ARHGEF33: variants seen among roughly 807,000 people sequenced by gnomAD.
ARHGEF33 encodes the protein Rho guanine nucleotide exchange factor 33.
In ARHGEF33, 72 loss-of-function variants were observed where a neutral mutation model predicts 101.9. That is an observed-to-expected ratio of 0.71 (90% CI 0.58 to 0.86). The LOEUF (loss-of-function observed/expected upper bound fraction) is 0.86. Ranked by LOEUF, ARHGEF33 falls within the 40% of genes least tolerant of loss-of-function variation. The pLI, the probability that ARHGEF33 is intolerant of heterozygous loss-of-function variation, is 0.00. For synonymous variants in ARHGEF33, 499 were observed against 442.5 expected (o/e 1.13, Z -1.60); for missense variants, 1,169 against 1,111.3 (o/e 1.05, Z -0.74).
chr2:38,906,273 G>T, intron 2 of ARHGEF33, among the ~76,000 whole-genome samples: 1 of 151,860 alleles, frequency 6.6e-6, no homozygotes, highest in East Asian at 1.9e-4. Context: ...ATGTAATTCA[G>T]TTTGGAGGTA....
intron 7 of ARHGEF33, among the ~76,000 whole-genome samples, chr2:38,932,685 A>C (rs1199872987): frequency 6.6e-6 from 1 of 152,200 alleles, no homozygotes; most frequent in Non-Finnish European, 1.5e-5. Context: ...TCATAAGATA[A>C]AAGGTTAAAA....
At chr2:38,919,557 T>C (rs1666710641) in intron 3 of ARHGEF33, 85 bp downstream of exon 3, 2 of 1,303,640 alleles carry the variant, frequency 1.5e-6, no homozygotes, top group African/African-American at 2.9e-5. Context: ...TCTCGAGACA[T>C]GACAGTATGT....
At chr2:38,966,632 C>T (rs1467095858) in intron 17 of ARHGEF33, among the ~76,000 whole-genome samples, 1 of 152,188 alleles carries the variant, frequency 6.6e-6, no homozygotes, top group East Asian at 1.9e-4. Flanking sequence ...TTAGTGCTTT[C>T]CCTGAATGAG....
At chr2:38,955,916 C>T (rs1205614141) in intron 13 of ARHGEF33, among the ~76,000 whole-genome samples, 1 of 151,914 alleles carries the variant, frequency 6.6e-6, no homozygotes. Flanking sequence ...GTGATCTGCC[C>T]GCCTCACCTC....
intron 9 of ARHGEF33, 110 bp from the exon 10 acceptor site, chr2:38,943,791 G>GTT: frequency 6.3e-6 from 6 of 944,978 alleles, no homozygotes; most frequent in East Asian, 6.1e-5. Context: ...CTTGCAGATG[G>GTT]TTTTTTTTTT....
intron 14 of ARHGEF33, among the ~76,000 whole-genome samples, chr2:38,957,670 C>T (rs566414860): frequency 6.6e-6 from 1 of 152,296 alleles, no homozygotes; most frequent in East Asian, 1.9e-4. Flanking sequence ...AGCACAGCTT[C>T]CTAATGACCT....
intron 9 of ARHGEF33, among the ~76,000 whole-genome samples, chr2:38,938,026 G>C (rs942458640): frequency 5.9e-5 from 9 of 152,102 alleles, no homozygotes; most frequent in Non-Finnish European, 7.4e-5. Flanking sequence ...TGGCTATTTG[G>C]GGGGAGGTAA....
intron 1 of ARHGEF33, among the ~76,000 whole-genome samples, chr2:38,891,822 G>T (rs1428570914): frequency 6.8e-6 from 1 of 147,576 alleles, no homozygotes; most frequent in Non-Finnish European, 1.5e-5. Context: ...CTAATCACTT[G>T]TGCCTTTTGA....
At chr2:38,906,020 A>T (rs1190513493) in intron 2 of ARHGEF33, among the ~76,000 whole-genome samples, 1 of 151,964 alleles carries the variant, frequency 6.6e-6, no homozygotes, top group Non-Finnish European at 1.5e-5. Context: ...CAGGTGGCCA[A>T]ATCACTTGTG....
At chr2:38,935,940 A>T in intron 8 of ARHGEF33, 106 bp downstream of exon 8, 2 of 929,328 alleles carry the variant, frequency 2.2e-6, no homozygotes, top group Non-Finnish European at 3.3e-6. Context: ...GCATGAAAGA[A>T]CTCACAAAAG....
chr2:38,928,424 A>T (rs1203215045), intron 4 of ARHGEF33, among the ~76,000 whole-genome samples: 1 of 152,174 alleles, frequency 6.6e-6, no homozygotes, highest in East Asian at 1.9e-4. Flanking sequence ...TTCCTTTCAG[A>T]TAAATTCTCA....
intron 17 of ARHGEF33, among the ~76,000 whole-genome samples, chr2:38,968,970 G>T (rs1367336203): frequency 3.3e-5 from 5 of 152,196 alleles, no homozygotes; most frequent in East Asian, 3.8e-4. Context: ...GGAGGCCCCA[G>T]TGTAGCACAG....
At chr2:38,907,248 C>T (rs79060878) in intron 2 of ARHGEF33, among the ~76,000 whole-genome samples, 7,390 of 152,246 alleles carry the variant, frequency 0.049, 214 homozygotes, top group Middle Eastern at 0.061. Flanking sequence ...TGAACTCATC[C>T]ATTTTCAAGG....
chr2:38,918,006 G>T (rs1049642649), intron 2 of ARHGEF33, among the ~76,000 whole-genome samples: 4 of 152,096 alleles, frequency 2.6e-5, no homozygotes, highest in African/African-American at 7.2e-5. Context: ...TATTTGTATT[G>T]TTTCAATCAG....
intron 10 of ARHGEF33, 117 bp from the exon 11 acceptor site, chr2:38,950,872 C>G: frequency 1.1e-6 from 1 of 923,152 alleles, no homozygotes; most frequent in Non-Finnish European, 1.6e-6. Flanking sequence ...TTAATGCAGG[C>G]CTGTGACTCA....
chr2:38,959,478 C>A (rs1222730523), intron 15 of ARHGEF33: 1 of 191,444 alleles, frequency 5.2e-6, no homozygotes, highest in East Asian at 1.2e-4. Flanking sequence ...TTGAGTTTTC[C>A]ATTATTCCGT....
intron 10 of ARHGEF33, among the ~76,000 whole-genome samples, chr2:38,946,925 C>G (rs1667466507): frequency 6.6e-6 from 1 of 152,128 alleles, no homozygotes; most frequent in Non-Finnish European, 1.5e-5. Flanking sequence ...TGTGCCCAGC[C>G]TTTGTGTGTA....
chr2:38,901,734 C>T (rs966884057), intron 2 of ARHGEF33, among the ~76,000 whole-genome samples: 6 of 152,192 alleles, frequency 3.9e-5, no homozygotes, highest in African/African-American at 1.4e-4. Flanking sequence ...TTCCCAAGGT[C>T]AATCAGCTAT....
At chr2:38,966,202 T>C (rs1445486451) in intron 17 of ARHGEF33, 57 bp downstream of exon 17, 4 of 1,528,662 alleles carry the variant, frequency 2.6e-6, no homozygotes, top group Non-Finnish European at 3.5e-6. Context: ...GGCTAAATCT[T>C]GAGGTTTTAA....
Sources: gnomAD v4.1 joint callset for allele counts (sites outside exome capture counted in the v4.1 genomes callset) on GRCh38, gnomAD v4.1.1 for gene constraint, MANE v1.5 for transcripts, NCBI Gene and HGNC (gene_info 2026-07-23, HGNC 2026-07-21) for gene names.